CACNA2D1: variants seen among roughly 807,000 people sequenced by gnomAD.
CACNA2D1 encodes voltage-dependent calcium channel subunit alpha-2/delta-1.
Under a neutral mutation model 171.5 loss-of-function variants are expected in CACNA2D1, and 53 were observed. That is an observed-to-expected ratio of 0.31 (90% CI 0.25 to 0.39). The LOEUF is 0.39. Ranked by LOEUF, CACNA2D1 falls within the 10% of genes least tolerant of loss-of-function variation. CACNA2D1 has a pLI of 1.00. For synonymous variants in CACNA2D1, 442 were observed against 443.1 expected (o/e 1.00, Z 0.03); for missense variants, 903 against 1,299.8 (o/e 0.69, Z 4.69).
intron 3 of CACNA2D1, among the ~76,000 whole-genome samples, chr7:82,211,325 C>T (rs1200372008): frequency 3.3e-5 from 5 of 152,076 alleles, no homozygotes; most frequent in African/African-American, 1.2e-4. Flanking sequence ...GAGCACACTA[C>T]CCAATTGGTA....
chr7:82,160,999 C>G (rs2190264), intron 4 of CACNA2D1, among the ~76,000 whole-genome samples: 1 of 151,690 alleles, frequency 6.6e-6, no homozygotes, highest in African/African-American at 2.4e-5. Flanking sequence ...TTATGTGACA[C>G]GAGAGCCTTC....
In CACNA2D1 at chr7:82,005,393, C is replaced by G. The variant is rs751193912; in HGVS notation, c.1590+30G>C. 8.5e-6 allele frequency: 11 copies of G among 1,290,202 alleles called. No individual in the cohort carries two copies. In the Admixed American group the frequency reaches 1.8e-4, roughly 21 times the overall value. The allele number at this position is 1,290,202 out of a possible 1,614,324, so 79.9% of individuals were successfully genotyped here. On this transcript the variant is annotated intron_variant, in intron 18 of 38. Coordinates refer to ENST00000356860, the MANE Select transcript of CACNA2D1 (RefSeq NM_000722.4). ...CATTAATCATTAATTCTACAAAACA[C>G]TAATCACTGTAAACAAATTATATAC...
intron 3 of CACNA2D1, among the ~76,000 whole-genome samples, chr7:82,308,412 C>T (rs769610830): frequency 7.2e-5 from 11 of 152,148 alleles, no homozygotes; most frequent in Admixed American, 3.3e-4. Context: ...TTTTGGGTAA[C>T]CTATCTTCCT....
At chr7:82,156,707 A>C (rs1310692537) in intron 4 of CACNA2D1, among the ~76,000 whole-genome samples, 2 of 151,820 alleles carry the variant, frequency 1.3e-5, no homozygotes, top group Non-Finnish European at 1.5e-5. Context: ...CGTTTTTTTA[A>C]ATCTTTTTCT....
Position 82,224,516 on chromosome 7 carries a change from G to A in CACNA2D1, c.295-53907C>T, listed in dbSNP as rs185103557. ...CAGAATTGCTTGAACCCAGGAGGCG[G>A]GGGTTGCAGTGAGCCAAGATCGCAC... On this transcript the variant is annotated intron_variant, in intron 3 of 38. Coordinates refer to ENST00000356860, the MANE Select transcript of CACNA2D1 (RefSeq NM_000722.4). Among the ~76,000 whole-genome samples the A allele has an allele frequency of 3.0e-4, 45 of 152,224 alleles. No individual in the cohort carries two copies. In the East Asian group the frequency reaches 8.1e-3, roughly 28 times the overall value.
At chr7:82,037,531 C>T (rs937421638) in intron 11 of CACNA2D1, among the ~76,000 whole-genome samples, 4 of 151,776 alleles carry the variant, frequency 2.6e-5, no homozygotes, top group African/African-American at 9.7e-5. Context: ...ACGCCAGTAT[C>T]TGACAGTCTA....
chr7:82,048,578 G>T (rs944535999), intron 10 of CACNA2D1, among the ~76,000 whole-genome samples: 1 of 152,004 alleles, frequency 6.6e-6, no homozygotes, highest in African/African-American at 2.4e-5. Flanking sequence ...CTAGGAATTT[G>T]ATGAAATAGA....
At chr7:82,088,434 G>A (rs1009303018) in intron 6 of CACNA2D1, among the ~76,000 whole-genome samples, 2 of 152,000 alleles carry the variant, frequency 1.3e-5, no homozygotes, top group African/African-American at 2.4e-5. Flanking sequence ...AATAATTGTG[G>A]AACTCTGATT....
At chr7:82,090,873 C>T (rs944201537) in intron 6 of CACNA2D1, among the ~76,000 whole-genome samples, 3 of 151,992 alleles carry the variant, frequency 2.0e-5, no homozygotes, top group African/African-American at 4.8e-5. Flanking sequence ...TCTTTTGTGG[C>T]AAACGTTCAT....
At chr7:82,388,738 T>C (rs1824728423) in intron 1 of CACNA2D1, among the ~76,000 whole-genome samples, 1 of 152,240 alleles carries the variant, frequency 6.6e-6, no homozygotes, top group Admixed American at 6.5e-5. Flanking sequence ...AACAGCAGTA[T>C]GTTTAAGATC....
intron 14 of CACNA2D1, among the ~76,000 whole-genome samples, chr7:82,012,537 G>A (rs968892677): frequency 5.9e-5 from 9 of 152,000 alleles, no homozygotes; most frequent in African/African-American, 1.7e-4. Context: ...AGTGAAATAC[G>A]TTCCCTGTGA....
At chr7:82,366,903 C>CTT (rs71093376) in intron 1 of CACNA2D1, among the ~76,000 whole-genome samples, 1,660 of 86,932 alleles carry the variant, frequency 0.019, 76 homozygotes, top group South Asian at 0.062. Context: ...TGGTTTTGAC[C>CTT]TTTTTTTTTT....
chr7:82,080,850 A>C (rs890688377), intron 7 of CACNA2D1, among the ~76,000 whole-genome samples: 2 of 152,206 alleles, frequency 1.3e-5, no homozygotes, highest in African/African-American at 4.8e-5. Context: ...ATGTTCTTTA[A>C]TGTCTGAGAT....
At chr7:82,415,833 T>C (rs1447220781) in intron 1 of CACNA2D1, among the ~76,000 whole-genome samples, 1 of 145,502 alleles carries the variant, frequency 6.9e-6, no homozygotes, top group African/African-American at 2.5e-5. Flanking sequence ...TGTAGATCAG[T>C]ATGTGTACAC....
intron 3 of CACNA2D1, among the ~76,000 whole-genome samples, chr7:82,245,035 C>A (rs1252382155): frequency 6.6e-6 from 1 of 152,156 alleles, no homozygotes; most frequent in Non-Finnish European, 1.5e-5. Flanking sequence ...AGGAAAAAAT[C>A]TTTGATCATT....
At chr7:82,040,324 AG>A (rs1388062024) in intron 10 of CACNA2D1, among the ~76,000 whole-genome samples, 1 of 152,116 alleles carries the variant, frequency 6.6e-6, no homozygotes, top group Non-Finnish European at 1.5e-5. Flanking sequence ...TGAGGAATAG[AG>A]AAGAGAAGCA....
intron 4 of CACNA2D1, among the ~76,000 whole-genome samples, chr7:82,145,729 C>T (rs2129096788): frequency 6.7e-6 from 1 of 149,294 alleles, no homozygotes; most frequent in African/African-American, 2.4e-5. Flanking sequence ...TATATACACA[C>T]ACATATATAC....
chr7:82,414,153 C>G (rs1027599592), intron 1 of CACNA2D1, among the ~76,000 whole-genome samples: 1 of 152,124 alleles, frequency 6.6e-6, no homozygotes, highest in African/African-American at 2.4e-5. Context: ...ATTCACCAAC[C>G]TAAAGGCAAG....
chr7:82,263,297 G>T (rs1326342707), intron 3 of CACNA2D1, among the ~76,000 whole-genome samples: 1 of 151,808 alleles, frequency 6.6e-6, no homozygotes, highest in Non-Finnish European at 1.5e-5. Context: ...TTTTAGTAGA[G>T]ATGGGGTTTC....
Sources: allele counts gnomAD v4.1 joint callset (sites outside exome capture counted in the v4.1 genomes callset), GRCh38; gene constraint gnomAD v4.1.1; transcripts MANE v1.5; gene names NCBI Gene and HGNC (gene_info 2026-07-23, HGNC 2026-07-21).